The following EPHA5 variants were observed in gnomAD, a reference collection of about 807,000 sequenced individuals.
EPHA5 encodes ephrin type-A receptor 5.
Under a neutral mutation model 105.0 loss-of-function variants are expected in EPHA5, and 60 were observed. The observed-to-expected ratio is 0.57, with a 90% CI of 0.46 to 0.71. The LOEUF is 0.71. Among genes scored for constraint, EPHA5 ranks in the 30% least tolerant of loss-of-function variants. The pLI is 0.00. For missense variants in EPHA5, 1,218 were observed against 1,274.7 expected, an observed-to-expected ratio of 0.96 and a Z score of 0.68; for synonymous variants, 513 against 449.1, an observed-to-expected ratio of 1.14 and a Z score of -1.80.
At chr4:65,622,494 G>C (rs955299210) in intron 2 of EPHA5, among the ~76,000 whole-genome samples, 1 of 152,018 alleles carries the variant, frequency 6.6e-6, no homozygotes, top group African/African-American at 2.4e-5. Context: ...ATTCCCAAAT[G>C]TTAGCCAATG....
chr4:65,524,038 A>C (rs750642951), intron 3 of EPHA5, among the ~76,000 whole-genome samples: 34 of 151,866 alleles, frequency 2.2e-4, no homozygotes, highest in Admixed American at 6.6e-5. Context: ...CAAGCAGTTG[A>C]AAATATGTAA....
intron 3 of EPHA5, among the ~76,000 whole-genome samples, chr4:65,581,806 T>A (rs1741654036): frequency 6.6e-6 from 1 of 151,780 alleles, no homozygotes; most frequent in Admixed American, 6.6e-5. Flanking sequence ...GGCAATAACT[T>A]GGTTTATATG....
At position 65,367,261 on chromosome 4, in the gene EPHA5, G is replaced by A. The variant is rs567660781; in HGVS notation, c.1861+96C>T. 8.7e-5 allele frequency: 85 copies of A among 975,070 alleles called. No homozygotes were observed. In the African/African-American group the frequency reaches 1.3e-3, roughly 15 times the overall value. 60.4% of individuals were successfully genotyped at this position (975,070 alleles called of 1,614,324 possible). A position where few individuals can be genotyped will look rare whatever the true frequency, so the allele number is the denominator to read the frequency against. ...TAAAAAAAAAAAAAACAATATTTTG[G>A]TCAGTTATTATAAATCTTGTAGCCT... On this transcript the variant is annotated intron_variant, in intron 9 of 16. Transcript: ENST00000613740.
intron 3 of EPHA5, among the ~76,000 whole-genome samples, chr4:65,518,534 A>G (rs1199096744): frequency 1.3e-5 from 2 of 152,034 alleles, no homozygotes; most frequent in Non-Finnish European, 2.9e-5. Context: ...ATTGGGCAGT[A>G]TAAACATTGA....
At chr4:65,369,384 A>G (rs1718235131) in intron 8 of EPHA5, among the ~76,000 whole-genome samples, 1 of 152,156 alleles carries the variant, frequency 6.6e-6, no homozygotes, top group African/African-American at 2.4e-5. Flanking sequence ...AATTCAGTTT[A>G]CTAAAAACAA....
At chr4:65,507,272 T>C (rs1733133980) in intron 3 of EPHA5, among the ~76,000 whole-genome samples, 1 of 152,182 alleles carries the variant, frequency 6.6e-6, no homozygotes, top group Admixed American at 6.5e-5. Context: ...TACTGTAGCC[T>C]TGTAGTATAG....
At chr4:65,423,168 T>C (rs1202508921) in intron 5 of EPHA5, among the ~76,000 whole-genome samples, 1 of 152,064 alleles carries the variant, frequency 6.6e-6, no homozygotes, top group Non-Finnish European at 1.5e-5. Context: ...ATTAATTTAA[T>C]GTTTTTTCAT....
chr4:65,330,696 G>T (rs545390318), intron 16 of EPHA5: 4 of 847,234 alleles, frequency 4.7e-6, no homozygotes, highest in East Asian at 7.3e-5. Flanking sequence ...AAATTAAATA[G>T]CAATCATGTA....
intron 8 of EPHA5, chr4:65,376,884 G>T: frequency 3.6e-6 from 3 of 833,716 alleles, no homozygotes; most frequent in South Asian, 3.5e-5. Context: ...ATTCACCTTG[G>T]GGAGCCAGTT....
At chr4:65,485,571 T>C (rs1339432331) in intron 5 of EPHA5, among the ~76,000 whole-genome samples, 1 of 152,174 alleles carries the variant, frequency 6.6e-6, no homozygotes, top group African/African-American at 2.4e-5. Flanking sequence ...AATGATATAA[T>C]GTTTTGGAAA....
chr4:65,490,826 A>G, intron 4 of EPHA5, 114 bp from the exon 5 acceptor site: 2 of 1,104,648 alleles, frequency 1.8e-6, no homozygotes, highest in South Asian at 1.6e-5. Context: ...TAAGTCCTTT[A>G]AGTCATAATT....
intron 2 of EPHA5, among the ~76,000 whole-genome samples, chr4:65,642,943 C>A (rs73822528): frequency 0.014 from 2,191 of 151,584 alleles, 56 homozygotes; most frequent in African/African-American, 0.05. Flanking sequence ...TAAATTGGTC[C>A]CAGCGTTGAA....
chr4:65,489,082 A>G (rs551640957), intron 5 of EPHA5, among the ~76,000 whole-genome samples: 143 of 151,916 alleles, frequency 9.4e-4, no homozygotes, highest in African/African-American at 3.4e-3. Flanking sequence ...TATTTTTAGT[A>G]GAGACGGGGT....
At chr4:65,528,447 C>T (rs1735449758) in intron 3 of EPHA5, among the ~76,000 whole-genome samples, 1 of 151,962 alleles carries the variant, frequency 6.6e-6, no homozygotes, top group African/African-American at 2.4e-5. Flanking sequence ...CTCCGCCCTC[C>T]TCCTATCCTT....
rs1248486591 is a variant in EPHA5, at chr4:65,498,654, A to G, written c.911-3111T>C. 3.3e-5 allele frequency among the ~76,000 whole-genome samples: 5 copies of G among 151,840 alleles called. No homozygotes were observed. The East Asian group carries it at 7.7e-4, about 23-fold the overall frequency. The stretch of plus-strand genomic sequence containing the variant: ...AATGGGTTAGATGACTTAGTGGAAA[A>G]TCGTAAGAGTGACTGTAAGGTATTT... On this transcript the variant is annotated intron_variant, in intron 3 of 16. Transcript: ENST00000613740.
intron 3 of EPHA5, among the ~76,000 whole-genome samples, chr4:65,542,477 ATGGATAAATTCC>A: frequency 6.6e-6 from 1 of 152,198 alleles, no homozygotes; most frequent in South Asian, 2.1e-4. Flanking sequence ...TCTAGAAGAA[ATGGATAAATTCC>A]TGGACACATA....
chr4:65,429,055 T>C (rs753792269), intron 5 of EPHA5, among the ~76,000 whole-genome samples: 2 of 152,058 alleles, frequency 1.3e-5, no homozygotes, highest in Non-Finnish European at 2.9e-5. Context: ...GTTATTATCC[T>C]ATAATAGAAT....
intron 5 of EPHA5, among the ~76,000 whole-genome samples, chr4:65,475,732 G>C (rs1040231784): frequency 6.6e-6 from 1 of 152,110 alleles, no homozygotes; most frequent in African/African-American, 2.4e-5. Context: ...TAAGCCACAC[G>C]AATGTTTGAT....
chr4:65,667,235 T>C (rs1227594865), intron 1 of EPHA5, among the ~76,000 whole-genome samples: 1 of 152,158 alleles, frequency 6.6e-6, no homozygotes, highest in East Asian at 1.9e-4. Context: ...GCTCAATTTA[T>C]AGCAATAGCA....
Sources: gnomAD v4.1 joint callset for allele counts (sites outside exome capture counted in the v4.1 genomes callset) on GRCh38, gnomAD v4.1.1 for gene constraint, MANE v1.5 for transcripts, NCBI Gene and HGNC (gene_info 2026-07-23, HGNC 2026-07-21) for gene names.